The following LGR4 variants were observed in gnomAD, a reference collection of about 807,000 sequenced individuals.
The protein encoded by LGR4 is leucine-rich repeat-containing G protein-coupled receptor 4.
LGR4 carries 44 observed loss-of-function variants against 84.8 expected under a neutral mutation model. The observed-to-expected ratio is 0.52, with a 90% confidence interval of 0.41 to 0.67. LGR4 has a LOEUF of 0.67. Ranked by LOEUF, LGR4 falls within the 30% of genes least tolerant of loss-of-function variation. LGR4 has a pLI of 0.00. For missense variants in LGR4, 1,032 were observed against 1,131.4 expected (o/e 0.91, Z 1.26); for synonymous variants, 429 against 434.3 (o/e 0.99, Z 0.15).
rs1590373202 is a variant in LGR4 at position 27,412,735 on chromosome 11, CA to C, written c.257+53del. The C allele has an allele frequency of 2.7e-6, 3 of 1,093,198 alleles. No individual in the cohort carries two copies. The East Asian group carries it at 7.1e-5, about 26-fold the overall frequency. The allele number at this position is 1,093,198 out of a possible 1,614,324, so 67.7% of individuals were successfully genotyped here. A position where few individuals can be genotyped will look rare whatever the true frequency, so the allele number is the denominator to read the frequency against. ...AGACTTTCTCTGTAGCAAAAGCTTC[CA>C]AAATGAATTGGGGAAAAAGACATAC... is the stretch of plus-strand genomic sequence containing the variant. On this transcript the variant is annotated intron_variant, in intron 2 of 17. Coordinates refer to ENST00000379214, the MANE Select transcript of LGR4 (RefSeq NM_018490.5).
chr11:27,443,889 A>T (rs917290576), intron 1 of LGR4, among the ~76,000 whole-genome samples: 1 of 152,220 alleles, frequency 6.6e-6, no homozygotes, highest in African/African-American at 2.4e-5. Flanking sequence ...ATCACGAACA[A>T]AAGTGTCATT....
At position 27,368,049 on chromosome 11, in the gene LGR4, G is replaced by A. The variant is rs200364063; in HGVS notation, c.2674C>T (p.Pro892Ser). 47 of 1,613,874 alleles carry A rather than the reference G, an allele frequency of 2.9e-5. No homozygotes were observed. In the Admixed American group the frequency reaches 5.0e-4, roughly 17 times the overall value. Residue 892 changes from proline to serine, a missense_variant, in exon 18 of 18, where the codon CCT becomes TCT. Physicochemically the swap from Pro to Ser is moderately conservative, Grantham distance 74. Coordinates refer to ENST00000379214, the MANE Select transcript of LGR4 (RefSeq NM_018490.5). The stretch of plus-strand genomic sequence containing the variant: ...CCACAGTCGGACCAGTAGCCCTCAG[G>A]TCTTTGGCAAGAAGCCACTGCCAAT... The part of the protein sequence containing the change: ...PALAVASCQR[P>S]EGYWSDCGTQ...
At chr11:27,391,244 T>G in intron 3 of LGR4, 79 bp from the exon 4 acceptor site, 1 of 722,226 alleles carries the variant, frequency 1.4e-6, no homozygotes. Context: ...CCTTTTTTTT[T>G]TTTTTTTCAA....
At chr11:27,431,573 T>C (rs1371990129) in intron 1 of LGR4, among the ~76,000 whole-genome samples, 2 of 152,228 alleles carry the variant, frequency 1.3e-5, no homozygotes, top group Non-Finnish European at 2.9e-5. Context: ...AATGGTCTGC[T>C]GTTTTTCATC....
rs544020447 is a variant in LGR4, at chr11:27,371,486, C to G, written c.1579+129G>C. ...CTGGCTGGTACGCAAAGCACAAAAT[C>G]AGAAGGCCTCACAGGATCCTCTAGT... On this transcript the variant is annotated intron_variant, in intron 17 of 17. Coordinates refer to ENST00000379214, the MANE Select transcript of LGR4 (RefSeq NM_018490.5). 8 of 573,192 alleles carry G rather than the reference C, an allele frequency of 1.4e-5. 1 individual carries two copies. The Admixed American group carries it at 2.9e-4, about 21-fold the overall frequency. The allele number at this position is 573,192 out of a possible 1,614,324, so 35.5% of individuals were successfully genotyped here.
At chr11:27,392,679 G>A (rs1313015318) in intron 2 of LGR4, among the ~76,000 whole-genome samples, 161 bp from the exon 3 acceptor site, 2 of 152,126 alleles carry the variant, frequency 1.3e-5, no homozygotes, top group African/African-American at 4.8e-5. Context: ...AAATGATCCT[G>A]TGAATCTTCC....
intron 1 of LGR4, among the ~76,000 whole-genome samples, chr11:27,417,743 AT>A (rs1187426480): frequency 2.0e-5 from 3 of 152,092 alleles, no homozygotes; most frequent in Admixed American, 1.3e-4. Context: ...TTCATTACAG[AT>A]TTTTTTCTAT....
At chr11:27,470,695 G>GT (rs1306988987) in intron 1 of LGR4, among the ~76,000 whole-genome samples, 1 of 135,772 alleles carries the variant, frequency 7.4e-6, no homozygotes, top group African/African-American at 2.7e-5. Context: ...TTAATGACAA[G>GT]TTAAACTTCA....
intron 1 of LGR4, among the ~76,000 whole-genome samples, chr11:27,460,532 C>G (rs1032682145): frequency 6.6e-6 from 1 of 152,154 alleles, no homozygotes; most frequent in African/African-American, 2.4e-5. Flanking sequence ...ATCATGGAAG[C>G]CAGCCATCCT....
chr11:27,366,301 C>T lies in LGR4; in HGVS notation c.*1566G>A, dbSNP rs1264646137. The T allele has an allele frequency of 1.3e-5, 2 of 152,596 alleles. No individual in the cohort carries two copies. Among genetic ancestry groups the T allele is most frequent in the East Asian group, 3.9e-4 (2 of 5,172 alleles). 9.5% of individuals were successfully genotyped at this position (152,596 alleles called of 1,614,324 possible). ...ATATACAAAGATTCTGTTTTTATTA[C>T]ACTGACAATGTACAACAAAGACTAT... On this transcript the variant is annotated 3_prime_UTR_variant, in exon 18 of 18. Transcript: ENST00000379214.
intron 2 of LGR4, among the ~76,000 whole-genome samples, chr11:27,395,429 GAA>G (rs1446264344): frequency 1.3e-5 from 2 of 151,994 alleles, no homozygotes; most frequent in African/African-American, 2.4e-5. Context: ...CTTGTCAACA[GAA>G]AAGAGTGTTT....
chr11:27,443,463 A>G (rs1864335369), intron 1 of LGR4, among the ~76,000 whole-genome samples: 1 of 152,130 alleles, frequency 6.6e-6, no homozygotes, highest in African/African-American at 2.4e-5. Context: ...GTTTTCCCCT[A>G]ATTACTTGGC....
chr11:27,405,307 C>T (rs1863584412), intron 2 of LGR4, among the ~76,000 whole-genome samples: 1 of 152,154 alleles, frequency 6.6e-6, no homozygotes. Context: ...AGTTCTCCTG[C>T]TCCTCCGGCA....
intron 2 of LGR4, among the ~76,000 whole-genome samples, chr11:27,409,845 G>A (rs1052308153): frequency 1.3e-5 from 2 of 152,070 alleles, no homozygotes; most frequent in Admixed American, 6.6e-5. Flanking sequence ...AGAAGCTACT[G>A]TGGAAGACTA....
Position 27,367,595 on chromosome 11 carries a change from A to G in LGR4, c.*272T>C, listed in dbSNP as rs1398731458. On this transcript the variant is annotated 3_prime_UTR_variant, in exon 18 of 18. Coordinates refer to ENST00000379214, the MANE Select transcript of LGR4 (RefSeq NM_018490.5). The stretch of plus-strand genomic sequence containing the variant: ...ATGGATCAGAAAAAACTAACATTAT[A>G]TTGCTCTACTACACCTAAGATCCTT... 7.2e-6 allele frequency: 2 copies of G among 276,842 alleles called. No individual in the cohort carries two copies. Among genetic ancestry groups the G allele is most frequent in the Admixed American group, 9.4e-5 (2 of 21,252 alleles). The allele number at this position is 276,842 out of a possible 1,614,324, so 17.1% of individuals were successfully genotyped here.
At chr11:27,370,080 G>A (rs919286812) in intron 17 of LGR4, among the ~76,000 whole-genome samples, 4 of 152,014 alleles carry the variant, frequency 2.6e-5, no homozygotes, top group African/African-American at 9.7e-5. Flanking sequence ...TGAAAAATTA[G>A]AAAAGAAAAA....
chr11:27,404,682 G>A (rs1469969982), intron 2 of LGR4, among the ~76,000 whole-genome samples: 8 of 152,104 alleles, frequency 5.3e-5, no homozygotes, highest in Non-Finnish European at 2.9e-5. Flanking sequence ...GCAAGGACAG[G>A]CATACGAGGT....
chr11:27,452,624 T>G (rs905249081), intron 1 of LGR4, among the ~76,000 whole-genome samples: 4 of 103,014 alleles, frequency 3.9e-5, no homozygotes, highest in Admixed American at 9.4e-5. Context: ...ACTTTTTGAG[T>G]TTTTTTTTTT....
chr11:27,469,024 C>T (rs1218963216), intron 1 of LGR4, among the ~76,000 whole-genome samples: 15 of 150,982 alleles, frequency 9.9e-5, no homozygotes, highest in Admixed American at 9.9e-4. Context: ...ACCTTGAATC[C>T]TTCTGATTAA....
Sources: allele counts gnomAD v4.1 joint callset (sites outside exome capture counted in the v4.1 genomes callset), GRCh38; gene constraint gnomAD v4.1.1; transcripts MANE v1.5; gene names NCBI Gene and HGNC (gene_info 2026-07-23, HGNC 2026-07-21).